B4GALNT2: variants seen among roughly 807,000 people sequenced by gnomAD.
B4GALNT2 encodes the protein N-acetylneuraminylgalactosylglucosyl-glucoside beta-1,4-N- acetylgalactosaminyltransferase 2.
B4GALNT2 carries 42 observed loss-of-function variants against 51.1 expected under a neutral mutation model. The ratio of observed to expected loss-of-function variants is 0.82; its 90% CI spans 0.64 to 1.06. B4GALNT2 has a LOEUF of 1.06. Among genes scored for constraint, B4GALNT2 ranks in the 50% least tolerant of loss-of-function variants. The pLI, the probability that B4GALNT2 is intolerant of heterozygous loss-of-function variation, is 0.00. For synonymous variants in B4GALNT2, 253 were observed against 251.7 expected, an observed-to-expected ratio of 1.01 and a Z score of -0.05; for missense variants, 602 against 633.6, an observed-to-expected ratio of 0.95 and a Z score of 0.54.
intron 3 of B4GALNT2, among the ~76,000 whole-genome samples, chr17:49,152,237 G>A (rs1455345559): frequency 6.6e-6 from 1 of 151,994 alleles, no homozygotes; most frequent in Non-Finnish European, 1.5e-5. Context: ...AAATTAGCTG[G>A]GCTTGGTGGC....
intron 9 of B4GALNT2, among the ~76,000 whole-genome samples, chr17:49,168,149 A>G (rs1467219290): frequency 6.6e-6 from 1 of 152,232 alleles, no homozygotes; most frequent in Non-Finnish European, 1.5e-5. Flanking sequence ...TTCTTTCAGA[A>G]ATAGATGTAC....
intron 5 of B4GALNT2, among the ~76,000 whole-genome samples, chr17:49,158,262 A>G (rs1003625215): frequency 7.9e-5 from 12 of 152,198 alleles, no homozygotes; most frequent in African/African-American, 2.9e-4. Flanking sequence ...GAAGACAACA[A>G]GTTTGAGTTG....
chr17:49,125,344 G>C, the B4GALNT2 span, among the ~76,000 whole-genome samples: 1 of 152,080 alleles, frequency 6.6e-6, no homozygotes, highest in African/African-American at 2.4e-5. Context: ...ATTTTTAATA[G>C]AGACGGGGTT....
Position 49,142,030 on chromosome 17 carries a change from T to A in B4GALNT2, c.216-5T>A, listed in dbSNP as rs758457399. ...CCATGTTTACAGTCCTCTTGCTTGT[T>A]TCAGGCTGTTCCCGAAAAATCAGTG... On this transcript the variant is annotated splice_region_variant and splice_polypyrimidine_tract_variant and intron_variant, in intron 2 of 10. Coordinates refer to ENST00000393354, the MANE Select transcript of B4GALNT2 (RefSeq NM_001159387.2). 5 of 1,613,898 alleles carry A rather than the reference T, an allele frequency of 3.1e-6. No individual in the cohort carries two copies. The highest frequency in any genetic ancestry group is 4.2e-6 in the Non-Finnish European group (5 of 1,180,034).
the B4GALNT2 span, among the ~76,000 whole-genome samples, chr17:49,120,521 T>C: frequency 9.5e-3 from 1,297 of 136,790 alleles, 18 homozygotes; most frequent in African/African-American, 0.025. Flanking sequence ...TGTGTGTGTA[T>C]GTGTGAAACA....
intron 3 of B4GALNT2, among the ~76,000 whole-genome samples, chr17:49,145,185 T>A (rs1396165847): frequency 6.6e-6 from 1 of 152,156 alleles, no homozygotes; most frequent in Non-Finnish European, 1.5e-5. Context: ...GTCCACCCCT[T>A]GTCAACTTGA....
upstream of B4GALNT2, among the ~76,000 whole-genome samples, chr17:49,128,494 G>C (rs1214999616): frequency 6.6e-6 from 1 of 152,198 alleles, no homozygotes. Context: ...TCAGGGGAAG[G>C]AGAGACCTGG....
At chr17:49,155,669 A>T (rs1285381077) in intron 4 of B4GALNT2, among the ~76,000 whole-genome samples, 1 of 148,350 alleles carries the variant, frequency 6.7e-6, no homozygotes, top group Non-Finnish European at 1.5e-5. Context: ...AAAAACATAT[A>T]TATTATTATT....
chr17:49,162,121 GGGACTACAGGCGC>G (rs769286756), intron 7 of B4GALNT2, among the ~76,000 whole-genome samples: 31 of 151,748 alleles, frequency 2.0e-4, no homozygotes, highest in Non-Finnish European at 3.1e-4. Flanking sequence ...CCAAGTAGCT[GGGACTACAGGCGC>G]CCGCCACCAT....
chr17:49,155,611 T>C (rs772916747), intron 4 of B4GALNT2, among the ~76,000 whole-genome samples: 88 of 148,332 alleles, frequency 5.9e-4, no homozygotes, highest in Non-Finnish European at 1.2e-3. Context: ...CAAAAAAAAA[T>C]GTATATATAT....
chr17:49,120,769 C>A, the B4GALNT2 span, among the ~76,000 whole-genome samples: 1 of 152,030 alleles, frequency 6.6e-6, no homozygotes. Flanking sequence ...CTCGGCTTCC[C>A]AAAGTGCTGG....
intron 1 of B4GALNT2, among the ~76,000 whole-genome samples, chr17:49,138,924 T>G (rs2042614796): frequency 6.6e-6 from 1 of 151,988 alleles, no homozygotes; most frequent in African/African-American, 2.4e-5. Flanking sequence ...AAAATAAAAC[T>G]TCTCTTGTTA....
At chr17:49,159,005 C>A in intron 5 of B4GALNT2, 32 bp from the exon 6 acceptor site, 2 of 1,604,232 alleles carry the variant, frequency 1.2e-6, no homozygotes, top group Non-Finnish European at 1.7e-6. Flanking sequence ...CCAATCCCTG[C>A]ATTGAGCATC....
intron 5 of B4GALNT2, among the ~76,000 whole-genome samples, chr17:49,158,284 T>A (rs2042828620): frequency 6.6e-6 from 1 of 152,002 alleles, no homozygotes; most frequent in Non-Finnish European, 1.5e-5. Context: ...TTGTGAAAGG[T>A]CCCAGCAGTT....
At chr17:49,152,424 A>T (rs2042766455) in intron 3 of B4GALNT2, among the ~76,000 whole-genome samples, 2 of 152,206 alleles carry the variant, frequency 1.3e-5, no homozygotes, top group Admixed American at 1.3e-4. Flanking sequence ...CTGTAATCCC[A>T]GCACTTTGGG....
intron 1 of B4GALNT2, among the ~76,000 whole-genome samples, chr17:49,136,019 C>G (rs1308832094): frequency 6.6e-6 from 1 of 150,970 alleles, no homozygotes; most frequent in African/African-American, 2.4e-5. Context: ...GGAGGTGGAG[C>G]TCGCAGTGAG....
chr17:49,168,812 C>T lies in B4GALNT2; in HGVS notation c.1227C>T (p.Thr409=), dbSNP rs140865105. The T allele has an allele frequency of 5.6e-6, 9 of 1,613,822 alleles. No individual in the cohort carries two copies. Among genetic ancestry groups the T allele is most frequent in the Admixed American group, 3.3e-5 (2 of 59,998 alleles). ...PLDGFPSCVV[T]SGVVNFFLAH... The stretch of plus-strand genomic sequence containing the variant: ...ATGGCTTCCCCAGCTGCGTGGTGAC[C>T]AGTGGCGTGGTCAACTTCTTCCTGG... The change falls in exon 10 of 11, where the codon ACC becomes ACT. Residue 409 remains threonine (T), a synonymous_variant. Coordinates refer to ENST00000393354, the MANE Select transcript of B4GALNT2 (RefSeq NM_001159387.2).
In B4GALNT2 at chr17:49,174,174, C is replaced by A. The variant is rs984344845; in HGVS notation, c.*4446C>A. ...CTATAATTAAACCAGCATGAGAAAT[C>A]AAATTTTGCAAGTGATCATAACATT... On this transcript the variant is annotated 3_prime_UTR_variant, in exon 11 of 11. Coordinates refer to ENST00000393354, the MANE Select transcript of B4GALNT2 (RefSeq NM_001159387.2). 6.6e-6 allele frequency: 1 copy of A among 152,092 alleles called. No homozygotes were observed. Among genetic ancestry groups the A allele is most frequent in the Admixed American group, 6.6e-5 (1 of 15,254 alleles). 9.4% of individuals were successfully genotyped at this position (152,092 alleles called of 1,614,324 possible). A position where few individuals can be genotyped will look rare whatever the true frequency, so the allele number is the denominator to read the frequency against.
intron 1 of B4GALNT2, among the ~76,000 whole-genome samples, chr17:49,138,749 C>T (rs957697651): frequency 2.0e-5 from 3 of 152,034 alleles, no homozygotes; most frequent in Non-Finnish European, 4.4e-5. Flanking sequence ...TGGTGGTGGG[C>T]GCCTGTAATC....
Sources: gnomAD v4.1 joint callset for allele counts (sites outside exome capture counted in the v4.1 genomes callset) on GRCh38, gnomAD v4.1.1 for gene constraint, MANE v1.5 for transcripts, NCBI Gene and HGNC (gene_info 2026-07-23, HGNC 2026-07-21) for gene names.